FNDC3B: variants seen among roughly 807,000 people sequenced by gnomAD.
The protein encoded by FNDC3B is fibronectin type III domain containing 3B.
In FNDC3B, 12 loss-of-function variants were observed where a neutral mutation model predicts 151.5. The ratio of observed to expected loss-of-function variants is 0.08; its 90% CI spans 0.05 to 0.13. The LOEUF (loss-of-function observed/expected upper bound fraction) is 0.13. Ranked by LOEUF, FNDC3B falls within the 10% of genes least tolerant of loss-of-function variation. The pLI is 1.00. For synonymous variants in FNDC3B, 528 were observed against 549.0 expected (o/e 0.96, Z 0.54); for missense variants, 1,214 against 1,505.3 (o/e 0.81, Z 3.20).
chr3:172,335,036 G>A lies in FNDC3B; in HGVS notation c.1734G>A (p.Pro578=), dbSNP rs371814226. Residue 578 remains proline, a synonymous_variant, in exon 15 of 26, where the codon CCG becomes CCA. Coordinates refer to ENST00000415807, the MANE Select transcript of FNDC3B (RefSeq NM_022763.4). The part of the protein sequence containing the change: ...SPDRPGPPTR[P]LVKGPVTSHG... ...ACAGGCCTGGACCTCCTACCAGACCGCTTGTCAAAGGCCCAGTTACATCTC... is the reference window on the plus strand; with the variant it reads ...ACAGGCCTGGACCTCCTACCAGACCACTTGTCAAAGGCCCAGTTACATCTC... 4.3e-5 allele frequency: 70 copies of A among 1,612,878 alleles called. 1 individual carries two copies. Among genetic ancestry groups the A allele is most frequent in the African/African-American group, 3.2e-4 (24 of 74,846 alleles).
At chr3:172,316,781 A>T (rs575175409) in intron 11 of FNDC3B, among the ~76,000 whole-genome samples, 1 of 152,370 alleles carries the variant, frequency 6.6e-6, no homozygotes, top group Non-Finnish European at 1.5e-5. Context: ...GTTTATCTAA[A>T]GAAACCTGAA....
At position 172,053,776 on chromosome 3, in the gene FNDC3B, CAAAAAA is replaced by C. The variant is rs562005467; in HGVS notation, c.-29+14020_-29+14025del. On this transcript the variant is annotated intron_variant, in intron 1 of 25. Coordinates refer to ENST00000415807, the MANE Select transcript of FNDC3B (RefSeq NM_022763.4). ...TAGGTGACAGGGCGAAACTCCGTCTCAAAAAAAAAAAAAAAAAAAATCTTCTTTTGA... is the reference window on the plus strand; with the variant it reads ...TAGGTGACAGGGCGAAACTCCGTCTCAAAAAAAAAAAAAATCTTCTTTTGA... Among the ~76,000 whole-genome samples the C allele has an allele frequency of 7.9e-5, 9 of 113,374 alleles. No individual in the cohort carries two copies. The Admixed American group carries it at 8.1e-4, about 10-fold the overall frequency. The allele number at this position is 113,374 out of a possible 152,430, so 74.4% of individuals were successfully genotyped here. A position where few individuals can be genotyped will look rare whatever the true frequency, so the allele number is the denominator to read the frequency against.
chr3:172,249,388 G>A lies in FNDC3B; in HGVS notation c.508+1612G>A, dbSNP rs554897216. On this transcript the variant is annotated intron_variant, in intron 5 of 25. Transcript: ENST00000415807. ...AAAATTGTAGTCTCTTCATTTTATG[G>A]TGTATTTGGGTCTAATTCCATTAAA... Among the ~76,000 whole-genome samples, 4 of 152,222 alleles carry A rather than the reference G, an allele frequency of 2.6e-5. No individual in the cohort carries two copies. In the South Asian group the frequency reaches 8.3e-4, roughly 32 times the overall value.
At chr3:172,351,496 A>T (rs532403077) in intron 21 of FNDC3B, among the ~76,000 whole-genome samples, 1 of 152,354 alleles carries the variant, frequency 6.6e-6, no homozygotes, top group Admixed American at 6.5e-5. Context: ...AGCAGATCAT[A>T]TAGTCCTGTA....
intron 1 of FNDC3B, among the ~76,000 whole-genome samples, chr3:172,075,874 T>A (rs1232260207): frequency 2.0e-5 from 3 of 152,152 alleles, no homozygotes; most frequent in Admixed American, 2.0e-4. Flanking sequence ...TGCCAGTCAG[T>A]GACCCACTAA....
chr3:172,362,968 T>C, intron 23 of FNDC3B, 123 bp downstream of exon 23: 1 of 741,398 alleles, frequency 1.3e-6, no homozygotes, highest in Non-Finnish European at 2.2e-6. Context: ...GAGGCTTCCT[T>C]TGACTTGAGC....
chr3:172,318,385 GC>G (rs1369100157), intron 11 of FNDC3B, among the ~76,000 whole-genome samples: 1 of 152,252 alleles, frequency 6.6e-6, no homozygotes, highest in East Asian at 1.9e-4. Flanking sequence ...TTCAGGAGGA[GC>G]CTTGTTTAGG....
intron 11 of FNDC3B, among the ~76,000 whole-genome samples, chr3:172,314,443 T>C (rs1188320946): frequency 6.6e-6 from 1 of 152,228 alleles, no homozygotes. Flanking sequence ...TGGCACCTGG[T>C]CTGAGAATCA....
At chr3:172,293,079 C>T (rs1451637954) in intron 7 of FNDC3B, among the ~76,000 whole-genome samples, 1 of 152,228 alleles carries the variant, frequency 6.6e-6, no homozygotes, top group African/African-American at 2.4e-5. Context: ...GCCTGTCTCT[C>T]TTCAACAGGT....
chr3:172,263,379 A>G (rs1250299334), intron 6 of FNDC3B, among the ~76,000 whole-genome samples: 1 of 152,080 alleles, frequency 6.6e-6, no homozygotes, highest in African/African-American at 2.4e-5. Context: ...TTTTAGGTTC[A>G]CTGAGTTCCT....
At chr3:172,074,595 A>G (rs900365808) in intron 1 of FNDC3B, among the ~76,000 whole-genome samples, 1 of 152,188 alleles carries the variant, frequency 6.6e-6, no homozygotes, top group Admixed American at 6.5e-5. Context: ...GTATGATTTC[A>G]TGGTGGAGGA....
At chr3:172,054,805 G>C (rs1283855983) in intron 1 of FNDC3B, among the ~76,000 whole-genome samples, 1 of 152,136 alleles carries the variant, frequency 6.6e-6, no homozygotes, top group Non-Finnish European at 1.5e-5. Flanking sequence ...GGAGGCTGGG[G>C]AAGCCTTTGC....
intron 23 of FNDC3B, among the ~76,000 whole-genome samples, chr3:172,372,356 C>T (rs1033629468): frequency 1.3e-5 from 2 of 152,124 alleles, no homozygotes; most frequent in Non-Finnish European, 2.9e-5. Context: ...TGGGCTGGGG[C>T]TCCTGTGGTA....
At chr3:172,120,292 A>C (rs1720467969) in intron 2 of FNDC3B, among the ~76,000 whole-genome samples, 1 of 152,232 alleles carries the variant, frequency 6.6e-6, no homozygotes, top group Non-Finnish European at 1.5e-5. Context: ...AAATACTGGC[A>C]TGGTAGCATT....
chr3:172,140,315 G>A (rs1721559232), intron 3 of FNDC3B, among the ~76,000 whole-genome samples: 2 of 152,136 alleles, frequency 1.3e-5, no homozygotes, highest in South Asian at 2.1e-4. Context: ...TTACGTGTGT[G>A]TATATATATT....
chr3:172,234,028 T>C (rs773527060), intron 4 of FNDC3B, among the ~76,000 whole-genome samples: 2 of 152,208 alleles, frequency 1.3e-5, no homozygotes, highest in East Asian at 1.9e-4. Context: ...ATTAAAGAAA[T>C]GTACCAAGGA....
At chr3:172,060,743 T>C (rs1029928058) in intron 1 of FNDC3B, among the ~76,000 whole-genome samples, 2 of 152,214 alleles carry the variant, frequency 1.3e-5, no homozygotes, top group African/African-American at 2.4e-5. Flanking sequence ...CAAGTGTTTA[T>C]TGAATGAATG....
At chr3:172,184,687 A>G (rs995652051) in intron 3 of FNDC3B, among the ~76,000 whole-genome samples, 1 of 152,196 alleles carries the variant, frequency 6.6e-6, no homozygotes, top group Admixed American at 6.5e-5. Flanking sequence ...GGAGGTTAAG[A>G]TTTAAATGTT....
Position 172,337,352 on chromosome 3 carries a change from T to G in FNDC3B, c.1803T>G (p.Gly601=). The G allele has an allele frequency of 6.2e-7, 1 of 1,612,186 alleles. No homozygotes were observed. The highest frequency in any genetic ancestry group is 1.7e-5 in the Admixed American group (1 of 59,976). Residue 601 remains glycine, a synonymous_variant, in exon 16 of 26, where the codon GGT becomes GGG. Transcript: ENST00000415807. ...VKWDPPKDNG[G]SEILKYLLEI... ...CAGATCCCCCTAAGGACAATGGTGG[T>G]TCAGAAATCCTCAAGTACTTGCTAG... is the stretch of plus-strand genomic sequence containing the variant.
Sources: gnomAD v4.1 joint callset for allele counts (sites outside exome capture counted in the v4.1 genomes callset) on GRCh38, gnomAD v4.1.1 for gene constraint, MANE v1.5 for transcripts, NCBI Gene and HGNC (gene_info 2026-07-23, HGNC 2026-07-21) for gene names.